The following COASY variants were observed in gnomAD, a reference collection of about 807,000 sequenced individuals.
COASY encodes bifunctional coenzyme A synthase.
Under a neutral mutation model 49.4 loss-of-function variants are expected in COASY, and 31 were observed. That is an observed-to-expected ratio of 0.63 (90% CI 0.47 to 0.85). The LOEUF is 0.85. Ranked by LOEUF, COASY falls within the 40% of genes least tolerant of loss-of-function variation. COASY has a pLI of 0.00. For synonymous variants in COASY, 285 were observed against 310.9 expected, an observed-to-expected ratio of 0.92 and a Z score of 0.88; for missense variants, 730 against 734.1, an observed-to-expected ratio of 0.99 and a Z score of 0.06.
rs2092979413 is a variant in COASY at position 42,562,436 on chromosome 17, C to T, written c.-187C>T. The T allele has an allele frequency of 6.2e-7, 1 of 1,613,954 alleles. No homozygotes were observed. ...AATGAGGACACCAAGGCTTAGAGCA[C>T]AGCCCCGAGGCGCCGTCTACCAGGC... On this transcript the variant is annotated 5_prime_UTR_variant, in exon 1 of 9. An upstream open reading frame in the 5' UTR gains an earlier in-frame stop. Transcript: ENST00000393818.
In COASY at chr17:42,562,721, G is replaced by A; in HGVS notation, c.99G>A (p.Val33=). The change falls in exon 1 of 9, where the codon GTG becomes GTA. Residue 33 remains valine (V), a synonymous_variant. Coordinates refer to ENST00000393818, the MANE Select transcript of COASY (RefSeq NM_025233.7). ...ASILTSAARL[V]NHTLYVHLQP... ...TCCTGACCTCGGCGGCCCGGCTGGT[G>A]AATCACACACTCTATGTTCACCTGC... 6.3e-7 allele frequency: 1 copy of A among 1,577,560 alleles called. No homozygotes were observed. Among genetic ancestry groups the A allele is most frequent in the Non-Finnish European group, 8.6e-7 (1 of 1,159,938 alleles).
chr17:42,565,171 C>T (rs1447998513), intron 5 of COASY, 56 bp from the exon 6 acceptor site: 15 of 1,600,700 alleles, frequency 9.4e-6, no homozygotes, highest in Admixed American at 6.7e-5. Flanking sequence ...CCACCTTGCT[C>T]GGGCTGGCTG....
At chr17:42,563,929 G>C in intron 1 of COASY, 32 bp from the exon 2 acceptor site, 1 of 1,546,830 alleles carries the variant, frequency 6.5e-7, no homozygotes, top group Non-Finnish European at 8.8e-7. Flanking sequence ...CCAATAAAAA[G>C]ATCTCACTGT....
Position 42,565,697 on chromosome 17 carries a change from A to G in COASY, c.1524A>G (p.Glu508=). 1 of 1,614,086 alleles carries G rather than the reference A, an allele frequency of 6.2e-7. No individual in the cohort carries two copies. The highest frequency in any genetic ancestry group is 8.5e-7 in the Non-Finnish European group (1 of 1,180,036). Residue 508 remains glutamate, a synonymous_variant, in exon 8 of 9, where the codon GAA becomes GAG. Coordinates refer to ENST00000393818, the MANE Select transcript of COASY (RefSeq NM_025233.7). The stretch of plus-strand genomic sequence containing the variant: ...TTGTGGAGAGGGATGGCCTCAGTGA[A>G]GCCGCGGCTCAAAGCCGGCTGCAGA... The part of the protein sequence containing the change: ...RRIVERDGLS[E]AAAQSRLQSQ...
rs1393674150 is a variant in COASY at position 42,562,653 on chromosome 17, C to T, written c.31C>T (p.Leu11=). MAVFRSGLLV[L]TTPLASLAPR... The stretch of plus-strand genomic sequence containing the variant: ...CGTATTCCGGTCGGGTCTCCTGGTG[C>T]TGACGACGCCGCTGGCCTCCCTAGC... The change falls in exon 1 of 9, where the codon CTG becomes TTG. Residue 11 remains leucine, a synonymous_variant. Transcript: ENST00000393818. 3 of 1,522,158 alleles carry T rather than the reference C, an allele frequency of 2.0e-6. No homozygotes were observed. Among genetic ancestry groups the T allele is most frequent in the South Asian group, 2.6e-5 (2 of 78,356 alleles). The allele number at this position is 1,522,158 out of a possible 1,614,324, so 94.3% of individuals were successfully genotyped here.
At position 42,564,796 on chromosome 17, in the gene COASY, A is replaced by C. The variant is rs1192110600; in HGVS notation, c.1135A>C (p.Lys379Gln). Residue 379 changes from lysine (K) to glutamine (Q), a missense_variant, in exon 4 of 9, where the codon AAG (lysine) becomes CAG (glutamine). Coordinates refer to ENST00000393818, the MANE Select transcript of COASY (RefSeq NM_025233.7). ...GAAGAGCTCAATAGCTCAGCGACTG[A>C]AGGGCCTGGGGGCGTTTGTCATTGA... is the stretch of plus-strand genomic sequence containing the variant. The part of the protein sequence containing the change: ...SGKSSIAQRL[K>Q]GLGAFVIDSD... 2 of 1,547,914 alleles carry C rather than the reference A, an allele frequency of 1.3e-6. No individual in the cohort carries two copies. Among genetic ancestry groups the C allele is most frequent in the Non-Finnish European group, 1.7e-6 (2 of 1,152,114 alleles).
At chr17:42,564,958 T>C (rs760495701) in intron 4 of COASY, 25 bp from the exon 5 acceptor site, 1 of 1,614,102 alleles carries the variant, frequency 6.2e-7, no homozygotes, top group South Asian at 1.1e-5. Flanking sequence ...GCCTCTGTGC[T>C]CAGTTGTCTG....
At position 42,566,012 on chromosome 17, in the gene COASY, G is replaced by A. The variant is rs2093003105; in HGVS notation, c.*44G>A. On this transcript the variant is annotated 3_prime_UTR_variant, in exon 9 of 9. Coordinates refer to ENST00000393818, the MANE Select transcript of COASY (RefSeq NM_025233.7). ...AGACTGGCTCCTGGAGCTGACAAGC[G>A]ACCCCGTGGTGAGGAGAAATGGGGG... 5 of 1,603,074 alleles carry A rather than the reference G, an allele frequency of 3.1e-6. No individual in the cohort carries two copies. The highest frequency in any genetic ancestry group is 1.3e-5 in the African/African-American group (1 of 74,722).
In COASY at chr17:42,566,155, A is replaced by G; in HGVS notation, c.*187A>G. 1 of 628,492 alleles carries G rather than the reference A, an allele frequency of 1.6e-6. No individual in the cohort carries two copies. Among genetic ancestry groups the G allele is most frequent in the Non-Finnish European group, 2.8e-6 (1 of 359,220 alleles). 38.9% of individuals were successfully genotyped at this position (628,492 alleles called of 1,614,324 possible). A position where few individuals can be genotyped will look rare whatever the true frequency, so the allele number is the denominator to read the frequency against. On this transcript the variant is annotated 3_prime_UTR_variant, in exon 9 of 9. Transcript: ENST00000393818. ...CGCTGGTATTTGGCCAACACTGAGG[A>G]TGTGGTTCATGGGGGAGCAGTCCCC...
At position 42,562,227 on chromosome 17, in the gene COASY, G is replaced by A. The variant is rs2092978041; in HGVS notation, c.-396G>A. 9.1e-6 allele frequency: 5 copies of A among 547,706 alleles called. No individual in the cohort carries two copies. Among genetic ancestry groups the A allele is most frequent in the Non-Finnish European group, 1.6e-5 (5 of 309,524 alleles). The allele number at this position is 547,706 out of a possible 1,614,324, so 33.9% of individuals were successfully genotyped here. ...CCAAGCCTTGAGGTTTCAGTGAGTAGGGGGCCGACGTGAGCTTTAGCGTCC... is the reference window on the plus strand; with the variant it reads ...CCAAGCCTTGAGGTTTCAGTGAGTAAGGGGCCGACGTGAGCTTTAGCGTCC... On this transcript the variant is annotated 5_prime_UTR_variant, in exon 1 of 9. Transcript: ENST00000393818.
Position 42,564,758 on chromosome 17 carries a change from T to C in COASY, c.1097T>C (p.Ile366Thr), listed in dbSNP as rs1424111831. 6.5e-7 allele frequency: 1 copy of C among 1,531,224 alleles called. No individual in the cohort carries two copies. The highest frequency in any genetic ancestry group is 8.7e-7 in the Non-Finnish European group (1 of 1,143,902). The allele number at this position is 1,531,224 out of a possible 1,614,324, so 94.9% of individuals were successfully genotyped here. A position where few individuals can be genotyped will look rare whatever the true frequency, so the allele number is the denominator to read the frequency against. The change falls in exon 4 of 9, where the codon ATC becomes ACC. Residue 366 changes from isoleucine (I) to threonine (T), a missense_variant. Physicochemically the swap from Ile to Thr is moderately conservative, Grantham distance 89. Transcript: ENST00000393818. ...CTCTATGTAATTGGGCTGACTGGCA[T>C]CAGTGGCTCTGGGAAGAGCTCAATA... ...TCLYVIGLTG[I>T]SGSGKSSIAQ...
chr17:42,565,418 T>C (rs2092997983), intron 6 of COASY, 53 bp from the exon 7 acceptor site: 1 of 1,610,724 alleles, frequency 6.2e-7, no homozygotes, highest in East Asian at 2.2e-5. Flanking sequence ...TGGGACTGTG[T>C]TCTGCCTGGG....
chr17:42,563,855 C>T (rs2092989128), intron 1 of COASY, 106 bp from the exon 2 acceptor site: 3 of 851,924 alleles, frequency 3.5e-6, no homozygotes, highest in South Asian at 3.4e-5. Context: ...ACCCTTTCTG[C>T]CACCCCCTCT....
Position 42,564,876 on chromosome 17 carries a change from T to C in COASY, c.1215T>C (p.Pro405=), listed in dbSNP as rs781633012. The C allele has an allele frequency of 1.3e-5, 21 of 1,604,406 alleles. No homozygotes were observed. The highest frequency in any genetic ancestry group is 1.8e-5 in the Non-Finnish European group (21 of 1,174,560). ...CCCCAGGTGGCCCTGCCTACCAGCCTGTGGTGGAGGCCTTTGGAACAGGTA... is the reference window on the plus strand; with the variant it reads ...CCCCAGGTGGCCCTGCCTACCAGCCCGTGGTGGAGGCCTTTGGAACAGGTA... ...AYAPGGPAYQ[P]VVEAFGTDIL... Residue 405 remains proline (P), a synonymous_variant, in exon 4 of 9, where the codon CCT becomes CCC. Coordinates refer to ENST00000393818, the MANE Select transcript of COASY (RefSeq NM_025233.7).
At position 42,565,255 on chromosome 17, in the gene COASY, T is replaced by C. The variant is rs200908147; in HGVS notation, c.1331T>C (p.Met444Thr). The C allele has an allele frequency of 3.1e-6, 5 of 1,614,130 alleles. No homozygotes were observed. In the East Asian group the frequency reaches 6.7e-5, roughly 22 times the overall value. ...CAGCTGAAGATACTCACGGACATTA[T>C]GTGGCCAATTATCGCAAAGCTGGCC... ...KKQLKILTDIMWPIIAKLARE... is the reference protein window; with the variant it reads ...KKQLKILTDITWPIIAKLARE... The change falls in exon 6 of 9, where the codon ATG (methionine) becomes ACG (threonine). Residue 444 changes from methionine to threonine, a missense_variant. Coordinates refer to ENST00000393818, the MANE Select transcript of COASY (RefSeq NM_025233.7).
chr17:42,565,799 A>C lies in COASY; in HGVS notation c.1626A>C (p.Gln542His). 6.2e-7 allele frequency: 1 copy of C among 1,613,866 alleles called. No individual in the cohort carries two copies. Among genetic ancestry groups the C allele is most frequent in the Non-Finnish European group, 8.5e-7 (1 of 1,179,978 alleles). Residue 542 changes from glutamine (Q) to histidine (H), a missense_variant, in exon 8 of 9, where the codon CAA (glutamine) becomes CAC (histidine). Transcript: ENST00000393818. ...CCTTGTGGGAGCCGCATATCACCCAACGCCAGGTTGGTGCCCAGGGCAAGG... is the reference window on the plus strand; with the variant it reads ...CCTTGTGGGAGCCGCATATCACCCACCGCCAGGTTGGTGCCCAGGGCAAGG... Reference protein sequence around the residue: ...LSTLWEPHITQRQVEKAWALL... With the variant: ...LSTLWEPHITHRQVEKAWALL...
Position 42,566,150 on chromosome 17 carries a change from T to C in COASY, c.*182T>C. On this transcript the variant is annotated 3_prime_UTR_variant, in exon 9 of 9. Transcript: ENST00000393818. ...CAACACGCTGGTATTTGGCCAACAC[T>C]GAGGATGTGGTTCATGGGGGAGCAG... 1 of 641,022 alleles carries C rather than the reference T, an allele frequency of 1.6e-6. No individual in the cohort carries two copies. Among genetic ancestry groups the C allele is most frequent in the Non-Finnish European group, 2.7e-6 (1 of 368,860 alleles). 39.7% of individuals were successfully genotyped at this position (641,022 alleles called of 1,614,324 possible). A position where few individuals can be genotyped will look rare whatever the true frequency, so the allele number is the denominator to read the frequency against.
In COASY at chr17:42,563,297, A is replaced by C. The variant is rs746412403; in HGVS notation, c.675A>C (p.Gly225=). ...TGGCCCAGGAGCAGCTTGTGGTGGGAGTAGCAGACAAAGATCTGTTGAAGA... is the reference window on the plus strand; with the variant it reads ...TGGCCCAGGAGCAGCTTGTGGTGGGCGTAGCAGACAAAGATCTGTTGAAGA... ...CILAQEQLVV[G]VADKDLLKSK... is the part of the protein sequence containing the mutation. Residue 225 remains glycine, a synonymous_variant, in exon 1 of 9, where the codon GGA becomes GGC. Transcript: ENST00000393818. The C allele has an allele frequency of 6.3e-7, 1 of 1,598,894 alleles. No homozygotes were observed. The highest frequency in any genetic ancestry group is 8.5e-7 in the Non-Finnish European group (1 of 1,174,946).
rs899417712 is a variant in COASY, at chr17:42,563,296, G to C, written c.674G>C (p.Gly225Ala). ...CILAQEQLVV[G>A]VADKDLLKSK... ...CTGGCCCAGGAGCAGCTTGTGGTGG[G>C]AGTAGCAGACAAAGATCTGTTGAAG... Residue 225 changes from glycine (G) to alanine (A), a missense_variant, in exon 1 of 9, where the codon GGA becomes GCA. Physicochemically the swap from Gly to Ala is moderately conservative, Grantham distance 60 (BLOSUM62 0). Transcript: ENST00000393818. 1 of 1,599,284 alleles carries C rather than the reference G, an allele frequency of 6.3e-7. No individual in the cohort carries two copies. Among genetic ancestry groups the C allele is most frequent in the Non-Finnish European group, 8.5e-7 (1 of 1,175,082 alleles).
Sources: allele counts gnomAD v4.1 joint callset, GRCh38; gene constraint gnomAD v4.1.1; transcripts MANE v1.5; gene names NCBI Gene and HGNC (gene_info 2026-07-23, HGNC 2026-07-21).